Variants in OCIAD1 observed in about 807,000 individuals in gnomAD.
OCIAD1 encodes OCIA domain-containing protein 1.
A neutral mutation model predicts 38.9 loss-of-function variants in OCIAD1; 29 were observed. The ratio of observed to expected loss-of-function variants is 0.74; its 90% CI spans 0.55 to 1.02. The LOEUF is 1.02. Among genes scored for constraint, OCIAD1 ranks in the 50% least tolerant of loss-of-function variants. The pLI is 0.00. For missense variants in OCIAD1, 288 were observed against 289.6 expected (o/e 0.99, Z 0.04); for synonymous variants, 110 against 92.0 (o/e 1.20, Z -1.12).
chr4:48,835,974 G>A (rs1432394908), intron 3 of OCIAD1, among the ~76,000 whole-genome samples: 4 of 152,202 alleles, frequency 2.6e-5, no homozygotes, highest in Admixed American at 1.3e-4. Context: ...TGAATTGATT[G>A]GAACAGAGGT....
chr4:48,849,722 A>T (rs1779264361), intron 5 of OCIAD1, among the ~76,000 whole-genome samples: 1 of 152,086 alleles, frequency 6.6e-6, no homozygotes, highest in South Asian at 2.1e-4. Flanking sequence ...TAGCAGCTTT[A>T]TTTTGGCACA....
intron 7 of OCIAD1, among the ~76,000 whole-genome samples, chr4:48,854,558 A>G (rs372179568): frequency 2.6e-5 from 4 of 152,170 alleles, no homozygotes; most frequent in African/African-American, 9.7e-5. Context: ...AAATTCTGTT[A>G]TATAGTTTTT....
In OCIAD1 at chr4:48,810,385, C is replaced by T. The variant is rs553633614; in HGVS notation, c.-103+5055C>T. 1.1e-3 allele frequency among the ~76,000 whole-genome samples: 158 copies of T among 147,112 alleles called. 1 individual carries two copies. Among genetic ancestry groups the T allele is most frequent in the African/African-American group, 3.7e-3 (148 of 39,858 alleles). On this transcript the variant is annotated intron_variant, in intron 1 of 6. Coordinates refer to the OCIAD1 transcript ENST00000504654. ...TCGGGAGGCCGAGGCAGGAGAATGG[C>T]GTGAACCCGGGAGGTGGAGCTTGCA... is the stretch of plus-strand genomic sequence containing the variant.
intron 1 of OCIAD1, among the ~76,000 whole-genome samples, chr4:48,821,256 C>A (rs568409319): frequency 1.3e-5 from 2 of 152,314 alleles, no homozygotes; most frequent in Admixed American, 6.5e-5. Flanking sequence ...ATACTCAAAT[C>A]AATGAATGTA....
At chr4:48,831,749 G>C (rs1237189964) in intron 1 of OCIAD1, among the ~76,000 whole-genome samples, 2 of 152,108 alleles carry the variant, frequency 1.3e-5, no homozygotes, top group African/African-American at 4.8e-5. Context: ...CATGAATTCA[G>C]CTGACCTTTT....
intron 1 of OCIAD1, among the ~76,000 whole-genome samples, chr4:48,824,800 A>G (rs1031415383): frequency 2.5e-4 from 38 of 152,160 alleles, no homozygotes; most frequent in African/African-American, 8.7e-4. Flanking sequence ...CAGTGGCGCA[A>G]TCATAGCTTG....
intron 1 of OCIAD1, chr4:48,831,601 T>C: frequency 8.0e-7 from 1 of 1,249,898 alleles, no homozygotes; most frequent in Non-Finnish European, 1.1e-6. Context: ...TAAAATGGTA[T>C]TGTCTTAAGC....
Position 48,814,892 on chromosome 4 carries a change from A to AT in OCIAD1, c.-103+9566dup, listed in dbSNP as rs544204339. Among the ~76,000 whole-genome samples the AT allele has an allele frequency of 9.2e-5, 14 of 152,330 alleles. No homozygotes were observed. The East Asian group carries it at 2.5e-3, about 27-fold the overall frequency. On this transcript the variant is annotated intron_variant, in intron 1 of 6. Coordinates refer to the OCIAD1 transcript ENST00000504654. ...TTCATACTGACACATGGGCTCCATGATTTTATTGATGCTTCTCTTCATCTT... is the reference window on the plus strand; with the variant it reads ...TTCATACTGACACATGGGCTCCATGATTTTTATTGATGCTTCTCTTCATCTT...
In OCIAD1 at chr4:48,848,393, C is replaced by G. The variant is rs772222914; in HGVS notation, c.194-6C>G. 3.5e-6 allele frequency: 5 copies of G among 1,418,738 alleles called. No homozygotes were observed. 87.9% of individuals were successfully genotyped at this position (1,418,738 alleles called of 1,614,324 possible). A position where few individuals can be genotyped will look rare whatever the true frequency, so the allele number is the denominator to read the frequency against. Reference sequence around the variant, plus strand: ...TTACTCAGAAATACTTAACTCTTTTCTTTAGGAATACTTTCAAGTCATCCC... The same window carrying G: ...TTACTCAGAAATACTTAACTCTTTTGTTTAGGAATACTTTCAAGTCATCCC... On this transcript the variant is annotated splice_polypyrimidine_tract_variant and splice_region_variant and intron_variant, in intron 4 of 8. Coordinates refer to ENST00000264312, the MANE Select transcript of OCIAD1 (RefSeq NM_017830.4).
chr4:48,845,153 GAAA>G (rs1360764740), intron 4 of OCIAD1, among the ~76,000 whole-genome samples: 1 of 150,036 alleles, frequency 6.7e-6, no homozygotes, highest in South Asian at 2.1e-4. Flanking sequence ...ACATTAAAAA[GAAA>G]AAAAAATCCT....
chr4:48,841,406 C>G (rs1307990424), intron 3 of OCIAD1, among the ~76,000 whole-genome samples: 1 of 152,150 alleles, frequency 6.6e-6, no homozygotes, highest in Non-Finnish European at 1.5e-5. Flanking sequence ...CGGCGGAAAC[C>G]AGGTCCCAAG....
upstream of OCIAD1, among the ~76,000 whole-genome samples, chr4:48,827,130 T>C (rs1777258791): frequency 6.6e-6 from 1 of 152,226 alleles, no homozygotes; most frequent in South Asian, 2.1e-4. Context: ...TGCTGAATAA[T>C]AATTTATTGA....
chr4:48,810,860 A>G (rs1372102879), intron 1 of OCIAD1, among the ~76,000 whole-genome samples: 2 of 150,342 alleles, frequency 1.3e-5, no homozygotes, highest in Non-Finnish European at 3.0e-5. Flanking sequence ...TAAAGAAGAG[A>G]GGAGTTGCAA....
chr4:48,812,985 G>C (rs946375137), intron 1 of OCIAD1, among the ~76,000 whole-genome samples: 2 of 152,160 alleles, frequency 1.3e-5, no homozygotes, highest in Non-Finnish European at 2.9e-5. Context: ...TACCTCTCAA[G>C]TACAGGGCTG....
chr4:48,848,354 T>C, intron 4 of OCIAD1, 45 bp from the exon 5 acceptor site: 1 of 918,890 alleles, frequency 1.1e-6, no homozygotes, highest in African/African-American at 1.7e-5. Context: ...CTGATTTTTC[T>C]TTCTGTAACA....
At chr4:48,810,213 A>G (rs549825030) in intron 1 of OCIAD1, among the ~76,000 whole-genome samples, 5 of 151,932 alleles carry the variant, frequency 3.3e-5, no homozygotes, top group Non-Finnish European at 5.9e-5. Context: ...TTAAGAGATG[A>G]GATCCCAGCA....
At position 48,832,744 on chromosome 4, in the gene OCIAD1, C is replaced by T. The variant is rs1166635889; in HGVS notation, c.58+62C>T. On this transcript the variant is annotated intron_variant, in intron 2 of 8. Transcript: ENST00000264312. The stretch of plus-strand genomic sequence containing the variant: ...TCCTATGTAAAGGAATTTTCACTGC[C>T]TTGAGTAACAGTGGCAGGTGGGCTG... 2.4e-6 allele frequency: 3 copies of T among 1,254,170 alleles called. No homozygotes were observed. The African/African-American group carries it at 4.4e-5, about 18-fold the overall frequency. The allele number at this position is 1,254,170 out of a possible 1,614,324, so 77.7% of individuals were successfully genotyped here.
chr4:48,818,290 G>A (rs1030851575), intron 1 of OCIAD1, among the ~76,000 whole-genome samples: 2 of 152,190 alleles, frequency 1.3e-5, no homozygotes, highest in African/African-American at 2.4e-5. Flanking sequence ...AGGGTCTGGA[G>A]TGCACCTCCA....
At chr4:48,837,407 C>G (rs774696941) in intron 3 of OCIAD1, among the ~76,000 whole-genome samples, 2 of 151,784 alleles carry the variant, frequency 1.3e-5, no homozygotes, top group Non-Finnish European at 2.9e-5. Context: ...ATTCTCCTGC[C>G]TCAGCTTCCC....
Sources: allele counts gnomAD v4.1 joint callset (sites outside exome capture counted in the v4.1 genomes callset), GRCh38; gene constraint gnomAD v4.1.1; transcripts MANE v1.5; gene names NCBI Gene and HGNC (gene_info 2026-07-23, HGNC 2026-07-21).